The following TSG101 variants were observed in gnomAD, a reference collection of about 807,000 sequenced individuals.
TSG101 encodes tumor susceptibility 101.
In TSG101, 19 loss-of-function variants were observed where a neutral mutation model predicts 48.5. That is an observed-to-expected ratio of 0.39 (90% CI 0.27 to 0.58). The LOEUF is 0.58. Ranked by LOEUF, TSG101 falls within the 20% of genes least tolerant of loss-of-function variation. TSG101 has a pLI of 0.55. For synonymous variants in TSG101, 174 were observed against 169.4 expected, an observed-to-expected ratio of 1.03 and a Z score of -0.21; for missense variants, 365 against 484.4, an observed-to-expected ratio of 0.75 and a Z score of 2.31.
intron 7 of TSG101, 37 bp downstream of exon 7, chr11:18,502,449 C>T (rs748015976): frequency 1.3e-6 from 2 of 1,557,364 alleles, no homozygotes; most frequent in South Asian, 2.3e-5. Context: ...TTAGACTTTG[C>T]TTATATGGTG....
At chr11:18,518,715 C>T (rs1019023635) in intron 2 of TSG101, among the ~76,000 whole-genome samples, 1 of 151,438 alleles carries the variant, frequency 6.6e-6, no homozygotes, top group African/African-American at 2.4e-5. Context: ...ACTATGGGGG[C>T]AGGGAGGTTC....
At chr11:18,502,617 C>T (rs923999279) in intron 6 of TSG101, 40 bp from the exon 7 acceptor site, 5 of 1,499,342 alleles carry the variant, frequency 3.3e-6, no homozygotes, top group East Asian at 2.3e-5. Context: ...TTTAAGATGA[C>T]CCAACCTTAT....
chr11:18,499,837 A>G (rs1849860911), intron 7 of TSG101, among the ~76,000 whole-genome samples: 1 of 152,128 alleles, frequency 6.6e-6, no homozygotes, highest in Admixed American at 6.5e-5. Context: ...TTGAGTATTT[A>G]TCATTTCTAT....
chr11:18,509,363 T>TA (rs1258266257), intron 5 of TSG101, among the ~76,000 whole-genome samples, 179 bp downstream of exon 5: 8 of 152,356 alleles, frequency 5.3e-5, no homozygotes, highest in African/African-American at 1.9e-4. Flanking sequence ...GAAGCCCAAA[T>TA]GCCAGTCTTT....
chr11:18,491,821 C>T (rs748451122), intron 7 of TSG101, among the ~76,000 whole-genome samples: 13 of 152,140 alleles, frequency 8.5e-5, no homozygotes, highest in Admixed American at 2.6e-4. Context: ...TAGAATAAGT[C>T]GGTCTACTTC....
At chr11:18,508,975 A>G (rs1850023426) in intron 5 of TSG101, among the ~76,000 whole-genome samples, 1 of 152,220 alleles carries the variant, frequency 6.6e-6, no homozygotes, top group Non-Finnish European at 1.5e-5. Flanking sequence ...TCAAGAAAAT[A>G]GAGATAACAG....
At position 18,525,733 on chromosome 11, in the gene TSG101, C is replaced by G. The variant is rs187048826; in HGVS notation, c.42+1042G>C. Reference sequence around the variant, plus strand: ...GATAACAAGTTTATCAAAACAAAACCAAGAAGCCTAAAATATACGATTACA... The same window carrying G: ...GATAACAAGTTTATCAAAACAAAACGAAGAAGCCTAAAATATACGATTACA... On this transcript the variant is annotated intron_variant, in intron 1 of 9. Transcript: ENST00000251968. The G allele has an allele frequency of 1.2e-5, 12 of 960,332 alleles. No homozygotes were observed. The East Asian group carries it at 6.9e-4, about 55-fold the overall frequency. 59.5% of individuals were successfully genotyped at this position (960,332 alleles called of 1,614,324 possible).
chr11:18,503,953 T>C (rs968939384), intron 6 of TSG101, among the ~76,000 whole-genome samples: 1 of 152,012 alleles, frequency 6.6e-6, no homozygotes, highest in Admixed American at 6.6e-5. Context: ...CCTGTAATCC[T>C]AGCACTTTGG....
At chr11:18,500,898 G>A (rs1002176986) in intron 7 of TSG101, among the ~76,000 whole-genome samples, 4 of 151,828 alleles carry the variant, frequency 2.6e-5, no homozygotes, top group African/African-American at 7.3e-5. Flanking sequence ...CCACCTCCCA[G>A]GTTCAAGCAA....
intron 9 of TSG101, chr11:18,481,398 T>C: frequency 1.5e-6 from 2 of 1,315,672 alleles, no homozygotes; most frequent in Non-Finnish European, 1.9e-6. Flanking sequence ...TAATGCTGCC[T>C]GTGGGCAGAG....
rs200618111 is a variant in TSG101, at chr11:18,497,091, AAAC to A, written c.640+5392_640+5394del. Among the ~76,000 whole-genome samples the A allele has an allele frequency of 4.9e-3, 750 of 152,270 alleles. 9 individuals are homozygous for A. Among genetic ancestry groups the A allele is most frequent in the Admixed American group, 0.021 (328 of 15,296 alleles). On this transcript the variant is annotated intron_variant, in intron 7 of 9. Transcript: ENST00000251968. The stretch of plus-strand genomic sequence containing the variant: ...TGGCGACAGAGCGAGTCTGTCTCAA[AAAC>A]AACAACAACAAAAAAAACAAGGATA...
intron 1 of TSG101, among the ~76,000 whole-genome samples, chr11:18,521,666 CTTCCT>C (rs1481619679): frequency 6.9e-5 from 9 of 130,184 alleles, no homozygotes; most frequent in Non-Finnish European, 3.2e-5. Context: ...CACCTGGCCC[CTTCCT>C]TTTTTTTTTT....
chr11:18,507,537 C>G (rs1849995511), intron 5 of TSG101: 1 of 152,114 alleles, frequency 6.6e-6, no homozygotes, highest in Non-Finnish European at 1.5e-5. Context: ...TTAAAGAATA[C>G]TTTATACATT....
intron 5 of TSG101, among the ~76,000 whole-genome samples, chr11:18,507,166 C>T (rs80237693): frequency 1.3e-3 from 192 of 152,330 alleles, no homozygotes; most frequent in African/African-American, 4.5e-3. Flanking sequence ...ACCTGGTCAG[C>T]TTTTAAAGTT....
At chr11:18,514,295 C>T (rs528225006) in intron 4 of TSG101, among the ~76,000 whole-genome samples, 2 of 152,296 alleles carry the variant, frequency 1.3e-5, no homozygotes, top group Admixed American at 1.3e-4. Context: ...GTCACAGTTA[C>T]ACTATCAGAC....
intron 7 of TSG101, among the ~76,000 whole-genome samples, chr11:18,498,450 G>C (rs1189981717): frequency 6.6e-6 from 1 of 152,164 alleles, no homozygotes; most frequent in Non-Finnish European, 1.5e-5. Flanking sequence ...TGGTGACTTG[G>C]ATCAGCACTG....
intron 7 of TSG101, among the ~76,000 whole-genome samples, chr11:18,488,581 G>A (rs954345009): frequency 2.0e-5 from 3 of 152,182 alleles, no homozygotes; most frequent in African/African-American, 7.2e-5. Flanking sequence ...ATCCTGGTAT[G>A]ACTAAAGAGC....
chr11:18,480,566 C>T lies in TSG101; in HGVS notation c.1153G>A (p.Gly385Ser), dbSNP rs756122505. The T allele has an allele frequency of 2.4e-5, 38 of 1,613,662 alleles. No homozygotes were observed. Among genetic ancestry groups the T allele is most frequent in the Middle Eastern group, 1.6e-4 (1 of 6,084 alleles). Residue 385 changes from glycine (G) to serine (S), a missense_variant, in exon 10 of 10, where the codon GGT (glycine) becomes AGT (serine). Transcript: ENST00000251968. The part of the protein sequence containing the change: ...ALMQKARKTA[G>S]LSDLY ...AGAAGTCAGTAGAGGTCACTGAGACCGGCAGTCTTTCTTGCTTTTTGCATT... is the reference window on the plus strand; with the variant it reads ...AGAAGTCAGTAGAGGTCACTGAGACTGGCAGTCTTTCTTGCTTTTTGCATT...
At chr11:18,525,555 A>C in intron 1 of TSG101, 1 of 458,452 alleles carries the variant, frequency 2.2e-6, no homozygotes, top group Non-Finnish European at 2.9e-6. Context: ...AAAAAAAAAA[A>C]AAAAAAAGAG....
Sources: gnomAD v4.1 joint callset for allele counts (sites outside exome capture counted in the v4.1 genomes callset) on GRCh38, gnomAD v4.1.1 for gene constraint, MANE v1.5 for transcripts, NCBI Gene and HGNC (gene_info 2026-07-23, HGNC 2026-07-21) for gene names.